Variants in EPAS1 observed in about 807,000 individuals in gnomAD.
EPAS1 encodes the protein endothelial PAS domain protein 1, also known as endothelial PAS domain-containing protein 1.
In EPAS1, 23 loss-of-function variants were observed where a neutral mutation model predicts 87.9. The ratio of observed to expected loss-of-function variants is 0.26; its 90% CI spans 0.19 to 0.37. EPAS1 has a LOEUF of 0.37. Among genes scored for constraint, EPAS1 ranks in the 10% least tolerant of loss-of-function variants. The probability of loss-of-function intolerance (pLI) is 1.00; values close to 1 mark genes in which losing one functional copy is unlikely to be tolerated. For missense variants in EPAS1, 1,138 were observed against 1,120.7 expected (o/e 1.02, Z -0.22); for synonymous variants, 508 against 444.3 (o/e 1.14, Z -1.80).
At chr2:46,349,712 C>A (rs1195237936) in intron 2 of EPAS1, among the ~76,000 whole-genome samples, 1 of 152,218 alleles carries the variant, frequency 6.6e-6, no homozygotes, top group African/African-American at 2.4e-5. Context: ...TTCTCAGCAC[C>A]CGCTTTTCTC....
rs1685021529 is a variant in EPAS1 at position 46,386,209 on chromosome 2, T to C, written c.*1549T>C. On this transcript the variant is annotated 3_prime_UTR_variant, in exon 16 of 16. Coordinates refer to ENST00000263734, the MANE Select transcript of EPAS1 (RefSeq NM_001430.5). ...AGGGACGACACCTCTGGTTTTTCAA[T>C]ACCAATTACATGGAACTTTTCTGTA... 1 of 152,624 alleles carries C rather than the reference T, an allele frequency of 6.6e-6. No individual in the cohort carries two copies. The highest frequency in any genetic ancestry group is 1.5e-5 in the Non-Finnish European group (1 of 68,046). 9.5% of individuals were successfully genotyped at this position (152,624 alleles called of 1,614,324 possible). A position where few individuals can be genotyped will look rare whatever the true frequency, so the allele number is the denominator to read the frequency against.
intron 14 of EPAS1, 52 bp from the exon 15 acceptor site, chr2:46,382,373 C>G (rs2103677762): frequency 3.7e-6 from 6 of 1,604,294 alleles, no homozygotes; most frequent in Non-Finnish European, 5.1e-6. Context: ...TTCCTGGCCT[C>G]TCCCCTCCCT....
intron 8 of EPAS1, among the ~76,000 whole-genome samples, chr2:46,376,121 C>G: frequency 6.6e-6 from 1 of 151,730 alleles, no homozygotes; most frequent in East Asian, 1.9e-4. Context: ...ACACAATAGT[C>G]AATATTTTCT....
Position 46,380,129 on chromosome 2 carries a change from G to T in EPAS1, c.1555-98G>T. 1 of 1,590,220 alleles carries T rather than the reference G, an allele frequency of 6.3e-7. No individual in the cohort carries two copies. The highest frequency in any genetic ancestry group is 8.5e-7 in the Non-Finnish European group (1 of 1,172,308). ...GGCGTTTGAGCAGCACTGTGAAACA[G>T]TGCTTGAGATGAATGGCTCTGCAGG... On this transcript the variant is annotated intron_variant, in intron 11 of 15. Coordinates refer to ENST00000263734, the MANE Select transcript of EPAS1 (RefSeq NM_001430.5). This position sits in a 1 kb window ranked among gnomAD's most constrained non-coding sequence, Gnocchi z 4.4.
At position 46,354,266 on chromosome 2, in the gene EPAS1, C is replaced by A. The variant is rs150151976; in HGVS notation, c.218-1885C>A. On this transcript the variant is annotated intron_variant, in intron 2 of 15. Transcript: ENST00000263734. ...TGCATTCTACATTCCTTAGAATAGT[C>A]TCCATTTGGAAGACTCCTTTTAGTT... Among the ~76,000 whole-genome samples, 267 of 152,292 alleles carry A rather than the reference C, an allele frequency of 1.8e-3. 1 individual carries two copies. Among genetic ancestry groups the A allele is most frequent in the Middle Eastern group, 3.4e-3 (1 of 294 alleles).
In EPAS1 at chr2:46,371,401, T is replaced by C. The variant is rs1196340158; in HGVS notation, c.886+1468T>C. Among the ~76,000 whole-genome samples the C allele has an allele frequency of 1.3e-5, 2 of 152,160 alleles. No individual in the cohort carries two copies. The highest frequency in any genetic ancestry group is 6.5e-5 in the Admixed American group (1 of 15,278). On this transcript the variant is annotated intron_variant, in intron 7 of 15. Transcript: ENST00000263734. The surrounding 1 kb of genome is among the most constrained non-coding windows in gnomAD (Gnocchi z 4.3). ...CTTCCTCATGGCTTTTGGGTTTGAT[T>C]TGACAGTACAACAGGGCCCATTATG...
Position 46,380,477 on chromosome 2 carries a change from G to A in EPAS1, c.1805G>A (p.Arg602Gln), listed in dbSNP as rs200433006. The A allele has an allele frequency of 2.7e-5, 44 of 1,613,960 alleles. No individual in the cohort carries two copies. The highest frequency in any genetic ancestry group is 8.3e-5 in the Admixed American group (5 of 60,002). Residue 602 changes from arginine to glutamine, a missense_variant, in exon 12 of 16, where the codon CGG (arginine) becomes CAG (glutamine). Arg to Gln is a conservative substitution (Grantham distance 43, BLOSUM62 1). Around this residue, in one of 4 missense-constraint regions of EPAS1, gnomAD observed 502 missense variants for 427.1 expected, o/e 1.18. Coordinates refer to ENST00000263734, the MANE Select transcript of EPAS1 (RefSeq NM_001430.5). The surrounding 1 kb of genome is among the most constrained non-coding windows in gnomAD (Gnocchi z 4.4). ...AGCAAGAAGACAGAGCCCGAGCACCGGCCCATGTCCTCCATCTTCTTTGAT... is the reference window on the plus strand; with the variant it reads ...AGCAAGAAGACAGAGCCCGAGCACCAGCCCATGTCCTCCATCTTCTTTGAT... ...LESKKTEPEH[R>Q]PMSSIFFDAG... is the part of the protein sequence containing the mutation.
At chr2:46,307,139 C>G (rs1683119684) in intron 1 of EPAS1, among the ~76,000 whole-genome samples, 1 of 152,192 alleles carries the variant, frequency 6.6e-6, no homozygotes, top group East Asian at 1.9e-4. Context: ...TCCTGTGTTT[C>G]CAAGAGTTCT....
chr2:46,355,775 G>C (rs115386586), intron 2 of EPAS1, among the ~76,000 whole-genome samples: 156 of 152,362 alleles, frequency 1.0e-3, no homozygotes, highest in Non-Finnish European at 1.9e-3. Flanking sequence ...AACAGCCAAA[G>C]GCCTGGGGCC....
chr2:46,376,418 T>C, intron 8 of EPAS1, 121 bp from the exon 9 acceptor site: 1 of 912,314 alleles, frequency 1.1e-6, no homozygotes, highest in South Asian at 1.3e-5. Flanking sequence ...AAGACGCCAA[T>C]GCCTGGAGTC....
At chr2:46,336,522 T>C (rs963731047) in intron 1 of EPAS1, among the ~76,000 whole-genome samples, 3 of 152,050 alleles carry the variant, frequency 2.0e-5, no homozygotes, top group South Asian at 4.1e-4. Context: ...TAGGGAAGAC[T>C]TGAAGGAGGA....
intron 1 of EPAS1, among the ~76,000 whole-genome samples, chr2:46,316,828 T>C (rs969031226): frequency 4.6e-5 from 7 of 152,346 alleles, no homozygotes; most frequent in Admixed American, 3.3e-4. Context: ...TGATAGCATT[T>C]TACCCACAGT....
chr2:46,382,376 C>T, intron 14 of EPAS1, 49 bp from the exon 15 acceptor site: 1 of 1,606,100 alleles, frequency 6.2e-7, no homozygotes, highest in Non-Finnish European at 8.5e-7. Context: ...CTGGCCTCTC[C>T]CCTCCCTCAG....
rs1572631214 is a variant in EPAS1, at chr2:46,346,751, C to A, written c.27-122C>A. 9 of 1,005,158 alleles carry A rather than the reference C, an allele frequency of 9.0e-6. No individual in the cohort carries two copies. The East Asian group carries it at 2.4e-4, about 26-fold the overall frequency. 62.3% of individuals were successfully genotyped at this position (1,005,158 alleles called of 1,614,324 possible). A position where few individuals can be genotyped will look rare whatever the true frequency, so the allele number is the denominator to read the frequency against. On this transcript the variant is annotated intron_variant, in intron 1 of 15. Coordinates refer to ENST00000263734, the MANE Select transcript of EPAS1 (RefSeq NM_001430.5). This position sits in a 1 kb window ranked among gnomAD's most constrained non-coding sequence, Gnocchi z 4.0. ...TGTGGCTCAGACAACTGGTGTGAGCCCAGATCAGTCTAGTAAGGGAGTGTG... is the reference window on the plus strand; with the variant it reads ...TGTGGCTCAGACAACTGGTGTGAGCACAGATCAGTCTAGTAAGGGAGTGTG...
intron 11 of EPAS1, chr2:46,379,825 A>G: frequency 3.6e-6 from 1 of 275,912 alleles, no homozygotes; most frequent in Non-Finnish European, 7.1e-6. Flanking sequence ...GAAGAGGACA[A>G]AAAAAAGCCA....
At position 46,356,131 on chromosome 2, in the gene EPAS1, C is replaced by T. The variant is rs779186208; in HGVS notation, c.218-20C>T. ...TCACTCCACATTCATGCAAGCTGTC[C>T]CACCCCCCCCCCTTTCCAGTTTGCT... On this transcript the variant is annotated intron_variant, in intron 2 of 15. Transcript: ENST00000263734. 1 of 1,258,252 alleles carries T rather than the reference C, an allele frequency of 7.9e-7. No individual in the cohort carries two copies. The highest frequency in any genetic ancestry group is 1.1e-6 in the Non-Finnish European group (1 of 902,604). 77.9% of individuals were successfully genotyped at this position (1,258,252 alleles called of 1,614,324 possible).
At position 46,378,065 on chromosome 2, in the gene EPAS1, G is replaced by A; in HGVS notation, c.1421G>A (p.Ser474Asn). The change falls in exon 10 of 16, where the codon AGC becomes AAC. Residue 474 changes from serine to asparagine, a missense_variant. Ser to Asn is a conservative substitution (Grantham distance 46). This residue lies in a region of EPAS1 where 284 missense variants were observed against 258.4 expected (regional missense o/e 1.10). Transcript: ENST00000263734. ...APGSTTPSAT[S>N]SSSSCSTPNS... ...GGCAGCACCACCCCCAGTGCCACCA[G>A]CAGCAGCAGCAGCTGCTCCACGGTG... 6.3e-7 allele frequency: 1 copy of A among 1,587,182 alleles called. No individual in the cohort carries two copies. The highest frequency in any genetic ancestry group is 8.6e-7 in the Non-Finnish European group (1 of 1,166,102).
At chr2:46,369,759 C>G (rs936483394) in intron 6 of EPAS1, 68 bp from the exon 7 acceptor site, 1 of 1,172,688 alleles carries the variant, frequency 8.5e-7, no homozygotes. Flanking sequence ...GGGGTTAGCT[C>G]CTGCCCACAT....
intron 4 of EPAS1, among the ~76,000 whole-genome samples, chr2:46,358,535 C>CT (rs1684316673): frequency 6.6e-6 from 1 of 152,232 alleles, no homozygotes; most frequent in Non-Finnish European, 1.5e-5. Flanking sequence ...TGACCATAGT[C>CT]TGAGTTTGAG....
Sources: gnomAD v4.1 joint callset for allele counts (sites outside exome capture counted in the v4.1 genomes callset) on GRCh38, gnomAD v4.1.1 for gene constraint, gnomAD v4.1.1 regional missense constraint, Gnocchi (gnomAD v3.1) non-coding constraint, MANE v1.5 for transcripts, NCBI Gene and HGNC (gene_info 2026-07-23, HGNC 2026-07-21) for gene names.